Variants in LUZP2 observed in about 807,000 individuals in gnomAD.
The protein encoded by LUZP2 is leucine zipper protein 2.
LUZP2 carries 52 observed loss-of-function variants against 51.6 expected under a neutral mutation model. That is an observed-to-expected ratio of 1.01 (90% CI 0.81 to 1.27). The LOEUF is 1.27. LUZP2 is among the 50% of genes most tolerant of loss of function. The pLI is 0.00. For missense variants in LUZP2, 436 were observed against 395.4 expected (o/e 1.10, Z -0.87); for synonymous variants, 154 against 137.3 (o/e 1.12, Z -0.85).
At position 24,913,774 on chromosome 11, in the gene LUZP2, T is replaced by A. The variant is rs573364832; in HGVS notation, c.460-702T>A. ...TGAGTAAAGAATCAGTACCTATAAT[T>A]TTAGGTACAGAAATACAATAATCTG... On this transcript the variant is annotated intron_variant, in intron 6 of 11. Transcript: ENST00000336930. Among the ~76,000 whole-genome samples the A allele has an allele frequency of 9.3e-4, 141 of 152,068 alleles. No individual in the cohort carries two copies. In the Middle Eastern group the frequency reaches 0.024, roughly 26 times the overall value.
At chr11:24,529,223 T>C (rs1016198326) in intron 1 of LUZP2, among the ~76,000 whole-genome samples, 3 of 151,118 alleles carry the variant, frequency 2.0e-5, no homozygotes, top group African/African-American at 4.8e-5. Context: ...TTTGTCTTTA[T>C]ACAAAAAAAA....
rs527499887 is a variant in LUZP2, at chr11:24,506,772, A to C, written c.62+9467A>C. Among the ~76,000 whole-genome samples the C allele has an allele frequency of 7.2e-5, 11 of 152,092 alleles. No homozygotes were observed. In the East Asian group the frequency reaches 1.9e-3, roughly 27 times the overall value. On this transcript the variant is annotated intron_variant, in intron 1 of 11. Coordinates refer to ENST00000336930, the MANE Select transcript of LUZP2 (RefSeq NM_001009909.4). Reference sequence around the variant, plus strand: ...ATCACTAGGGACCCCTAAGTTTTGCACTCATTAAATGACTATCCCATATTC... The same window carrying C: ...ATCACTAGGGACCCCTAAGTTTTGCCCTCATTAAATGACTATCCCATATTC...
At chr11:24,919,573 T>A (rs886317974) in intron 7 of LUZP2, among the ~76,000 whole-genome samples, 1 of 144,874 alleles carries the variant, frequency 6.9e-6, no homozygotes, top group African/African-American at 2.5e-5. Flanking sequence ...TAATTTTTAA[T>A]TTAAATACAC....
Position 24,705,076 on chromosome 11 carries a change from AT to A in LUZP2, c.63-24084del, listed in dbSNP as rs920502979. 1.9e-4 allele frequency among the ~76,000 whole-genome samples: 28 copies of A among 151,304 alleles called. No homozygotes were observed. In the East Asian group the frequency reaches 3.7e-3, roughly 20 times the overall value. On this transcript the variant is annotated intron_variant, in intron 1 of 11. Transcript: ENST00000336930. ...TATACATCCAAGACTCTTTTGGGGT[AT>A]TTTTTTTTCATTCTTTTTTTTCTTG...
At chr11:24,914,856 G>A (rs1319334708) in intron 7 of LUZP2, among the ~76,000 whole-genome samples, 1 of 152,072 alleles carries the variant, frequency 6.6e-6, no homozygotes, top group Non-Finnish European at 1.5e-5. Flanking sequence ...ATCATACAAG[G>A]ACTTTTGAAT....
intron 1 of LUZP2, among the ~76,000 whole-genome samples, chr11:24,641,342 T>C (rs1031377337): frequency 2.6e-5 from 4 of 151,874 alleles, no homozygotes; most frequent in African/African-American, 4.9e-5. Context: ...ACAATCTGAA[T>C]GACCTTAATT....
chr11:25,060,528 A>G (rs1000513802), intron 10 of LUZP2, among the ~76,000 whole-genome samples: 10 of 152,216 alleles, frequency 6.6e-5, no homozygotes, highest in African/African-American at 2.4e-4. Flanking sequence ...CTAACCTAAG[A>G]TGGACTATCT....
chr11:24,922,832 TTTTTC>T lies in LUZP2; in HGVS notation c.522+8299_522+8303del, dbSNP rs1449931407. On this transcript the variant is annotated intron_variant, in intron 7 of 11. Transcript: ENST00000336930. ...CAAGTGGCACAGTTATATCTTTTTT[TTTTTC>T]TTTTTTTTTTTTTTTTTTTTTTTTT... Among the ~76,000 whole-genome samples, 153 of 44,946 alleles carry T rather than the reference TTTTTC, an allele frequency of 3.4e-3. 24 individuals carry two copies. Among genetic ancestry groups the T allele is most frequent in the African/African-American group, 0.014 (110 of 7,712 alleles). The allele number at this position is 44,946 out of a possible 152,430, so 29.5% of individuals were successfully genotyped here.
At chr11:24,898,452 GTC>G (rs1853157377) in intron 5 of LUZP2, among the ~76,000 whole-genome samples, 1 of 152,108 alleles carries the variant, frequency 6.6e-6, no homozygotes, top group Non-Finnish European at 1.5e-5. Flanking sequence ...GTGAAACCCC[GTC>G]TCTACTAAAA....
At chr11:24,797,859 C>T (rs192670062) in intron 5 of LUZP2, among the ~76,000 whole-genome samples, 6 of 152,242 alleles carry the variant, frequency 3.9e-5, no homozygotes, top group Admixed American at 3.9e-4. Context: ...AAGTTGAGTA[C>T]ACTTTACCAA....
At position 24,732,113 on chromosome 11, in the gene LUZP2, A is replaced by G. The variant is rs748756868; in HGVS notation, c.181-5A>G. ...AAAACTTCATTTTTCCACTTTTCTT[A>G]TCAGTCCTTAAAAAACGATGAGCAG... On this transcript the variant is annotated splice_region_variant and splice_polypyrimidine_tract_variant and intron_variant, in intron 2 of 11. Transcript: ENST00000336930. The G allele has an allele frequency of 1.9e-6, 3 of 1,603,464 alleles. No individual in the cohort carries two copies. The South Asian group carries it at 3.3e-5, about 18-fold the overall frequency.
chr11:24,885,124 T>C (rs1353470923), intron 5 of LUZP2, among the ~76,000 whole-genome samples: 1 of 152,074 alleles, frequency 6.6e-6, no homozygotes, highest in Non-Finnish European at 1.5e-5. Flanking sequence ...CTCTTCTTTA[T>C]CTATAAGAGA....
chr11:24,806,557 A>C (rs1018310366), intron 5 of LUZP2, among the ~76,000 whole-genome samples: 3 of 152,166 alleles, frequency 2.0e-5, no homozygotes, highest in Non-Finnish European at 4.4e-5. Flanking sequence ...TGTAGGTAGT[A>C]ATTTATTTAG....
intron 5 of LUZP2, among the ~76,000 whole-genome samples, chr11:24,819,289 A>G (rs964060994): frequency 6.6e-6 from 1 of 152,088 alleles, no homozygotes; most frequent in Admixed American, 6.6e-5. Context: ...AGCCCTCCAT[A>G]ATACCTAAGG....
Position 24,608,329 on chromosome 11 carries a change from C to T in LUZP2, c.62+111024C>T, listed in dbSNP as rs77026380. 2.1e-4 allele frequency among the ~76,000 whole-genome samples: 32 copies of T among 152,274 alleles called. No individual in the cohort carries two copies. In the East Asian group the frequency reaches 5.6e-3, roughly 27 times the overall value. On this transcript the variant is annotated intron_variant, in intron 1 of 11. Transcript: ENST00000336930. ...AAGGCAGACACAGAAGGTCATCAGA[C>T]ACTATACAATTATATGGCATAGAAA... is the stretch of plus-strand genomic sequence containing the variant.
chr11:24,938,548 A>C (rs1854654513), intron 7 of LUZP2, among the ~76,000 whole-genome samples: 1 of 149,438 alleles, frequency 6.7e-6, no homozygotes, highest in South Asian at 2.1e-4. Flanking sequence ...AAAATCTACT[A>C]AAATAATATT....
intron 1 of LUZP2, among the ~76,000 whole-genome samples, chr11:24,504,828 C>T (rs911344331): frequency 1.3e-5 from 2 of 151,956 alleles, no homozygotes; most frequent in Non-Finnish European, 2.9e-5. Context: ...CCAGGGCAAG[C>T]GGGGAACTAA....
At chr11:24,768,362 G>A (rs1374991474) in intron 5 of LUZP2, among the ~76,000 whole-genome samples, 1 of 152,012 alleles carries the variant, frequency 6.6e-6, no homozygotes, top group Non-Finnish European at 1.5e-5. Context: ...CACCCGCCTT[G>A]GCCTCCCAAA....
intron 5 of LUZP2, among the ~76,000 whole-genome samples, chr11:24,782,025 T>C (rs2631398): frequency 0.73 from 111,141 of 151,922 alleles, 41,191 homozygotes; most frequent in East Asian, 0.86. Flanking sequence ...GCTGAATGGG[T>C]AGGTGCTGAC....
Sources: gnomAD v4.1 joint callset for allele counts (sites outside exome capture counted in the v4.1 genomes callset) on GRCh38, gnomAD v4.1.1 for gene constraint, MANE v1.5 for transcripts, NCBI Gene and HGNC (gene_info 2026-07-23, HGNC 2026-07-21) for gene names.